The following CACNA2D3 variants were observed in gnomAD, a reference collection of about 807,000 sequenced individuals.
CACNA2D3 encodes the protein voltage-dependent calcium channel subunit alpha-2/delta-3.
In CACNA2D3, 60 loss-of-function variants were observed where a neutral mutation model predicts 160.6. That is an observed-to-expected ratio of 0.37 (90% CI 0.30 to 0.46). The LOEUF is 0.46. Ranked by LOEUF, CACNA2D3 falls within the 20% of genes least tolerant of loss-of-function variation. The pLI, the probability that CACNA2D3 is intolerant of heterozygous loss-of-function variation, is 1.00. For synonymous variants in CACNA2D3, 558 were observed against 492.9 expected, an observed-to-expected ratio of 1.13 and a Z score of -1.75; for missense variants, 1,205 against 1,365.0, an observed-to-expected ratio of 0.88 and a Z score of 1.85.
intron 3 of CACNA2D3, among the ~76,000 whole-genome samples, chr3:54,354,407 A>G (rs1000352350): frequency 6.6e-6 from 1 of 152,200 alleles, no homozygotes; most frequent in Non-Finnish European, 1.5e-5. Flanking sequence ...CTTATAAAGT[A>G]TGAAGGATTT....
chr3:54,673,272 G>T (rs1335927805), intron 11 of CACNA2D3, among the ~76,000 whole-genome samples: 1 of 152,130 alleles, frequency 6.6e-6, no homozygotes, highest in East Asian at 1.9e-4. Context: ...GTTTGGGGTG[G>T]GTGTAGAAAA....
chr3:54,770,077 C>T (rs567971246), intron 13 of CACNA2D3, among the ~76,000 whole-genome samples: 43 of 152,250 alleles, frequency 2.8e-4, no homozygotes, highest in Admixed American at 1.2e-3. Flanking sequence ...CCATTTGCCC[C>T]GAAAATACTT....
chr3:54,237,783 T>C (rs1701910277), intron 2 of CACNA2D3, among the ~76,000 whole-genome samples: 1 of 152,230 alleles, frequency 6.6e-6, no homozygotes, highest in Non-Finnish European at 1.5e-5. Flanking sequence ...GCATTTTTCA[T>C]CTTTTCTCTT....
At chr3:54,763,669 GTATATATGTATATA>G (rs1702130645) in intron 12 of CACNA2D3, among the ~76,000 whole-genome samples, 1 of 128,514 alleles carries the variant, frequency 7.8e-6, no homozygotes, top group African/African-American at 2.8e-5. Context: ...GTGTGTGTGT[GTATATATGTATATA>G]TGTGTGTATA....
intron 9 of CACNA2D3, among the ~76,000 whole-genome samples, chr3:54,613,298 GT>G (rs759918174): frequency 6.4e-4 from 97 of 152,222 alleles, no homozygotes; most frequent in Non-Finnish European, 1.1e-3. Context: ...CTGTATTGGT[GT>G]GTCATAAAAG....
At chr3:54,977,613 G>A (rs397954947) in intron 29 of CACNA2D3, among the ~76,000 whole-genome samples, 1 of 152,082 alleles carries the variant, frequency 6.6e-6, no homozygotes, top group Admixed American at 6.6e-5. Flanking sequence ...GCAGCTGTGG[G>A]GATTTGAATA....
intron 27 of CACNA2D3, among the ~76,000 whole-genome samples, chr3:54,913,853 G>A (rs930102315): frequency 2.0e-5 from 3 of 152,112 alleles, no homozygotes; most frequent in Non-Finnish European, 2.9e-5. Flanking sequence ...CTGTGTCTTC[G>A]TATGTAATGT....
chr3:54,992,660 T>C (rs1702766297), intron 31 of CACNA2D3, among the ~76,000 whole-genome samples: 1 of 152,078 alleles, frequency 6.6e-6, no homozygotes, highest in Non-Finnish European at 1.5e-5. Context: ...TCTTGGATTA[T>C]CTTCTTGTCC....
intron 4 of CACNA2D3, among the ~76,000 whole-genome samples, chr3:54,468,586 C>T (rs1213584934): frequency 1.3e-5 from 2 of 152,160 alleles, no homozygotes; most frequent in Non-Finnish European, 2.9e-5. Context: ...GAACCGTTTC[C>T]CCCCTCTGGA....
chr3:54,747,684 C>G lies in CACNA2D3; in HGVS notation c.1168-4915C>G, dbSNP rs549850090. Among the ~76,000 whole-genome samples the G allele has an allele frequency of 2.6e-5, 4 of 152,258 alleles. No homozygotes were observed. In the South Asian group the frequency reaches 8.3e-4, roughly 32 times the overall value. On this transcript the variant is annotated intron_variant, in intron 11 of 37. Coordinates refer to ENST00000474759, the MANE Select transcript of CACNA2D3 (RefSeq NM_018398.3). ...GCTAGGTGACTGCATTCCATTAACA[C>G]GAGCCCCTTCAATATCCCTGGAGCT... is the stretch of plus-strand genomic sequence containing the variant.
intron 9 of CACNA2D3, among the ~76,000 whole-genome samples, chr3:54,593,420 G>A (rs1193438787): frequency 6.6e-6 from 1 of 151,876 alleles, no homozygotes; most frequent in African/African-American, 2.4e-5. Context: ...GAGGGGAGGG[G>A]AGGAGAGACG....
intron 4 of CACNA2D3, among the ~76,000 whole-genome samples, chr3:54,457,387 T>C (rs1301310552): frequency 6.6e-6 from 1 of 152,098 alleles, no homozygotes; most frequent in African/African-American, 2.4e-5. Flanking sequence ...TTGTTACTGA[T>C]TTCTAGTTTT....
At chr3:54,360,829 C>T (rs540861207) in intron 3 of CACNA2D3, among the ~76,000 whole-genome samples, 2 of 152,122 alleles carry the variant, frequency 1.3e-5, no homozygotes, top group Non-Finnish European at 2.9e-5. Context: ...CCATCACTCC[C>T]AGAAGACAGA....
intron 10 of CACNA2D3, among the ~76,000 whole-genome samples, chr3:54,630,033 T>G (rs1327930889): frequency 6.6e-6 from 1 of 152,136 alleles, no homozygotes; most frequent in Non-Finnish European, 1.5e-5. Flanking sequence ...TATTGAGAAT[T>G]TTAAGGTAAT....
chr3:54,380,177 A>C (rs1699076766), intron 3 of CACNA2D3, among the ~76,000 whole-genome samples: 1 of 152,224 alleles, frequency 6.6e-6, no homozygotes, highest in African/African-American at 2.4e-5. Context: ...AGTACGGGAA[A>C]CAAATCAATC....
In CACNA2D3 at chr3:54,485,853, C is replaced by T. The variant is rs114397817; in HGVS notation, c.382-17639C>T. On this transcript the variant is annotated intron_variant, in intron 4 of 37. Coordinates refer to ENST00000474759, the MANE Select transcript of CACNA2D3 (RefSeq NM_018398.3). ...TTCTGGGATTATAGGTCTGAGTGCC[C>T]GGCCAATATGCAGCTTTTAAAGTCT... 2.5e-3 allele frequency among the ~76,000 whole-genome samples: 382 copies of T among 152,218 alleles called. 3 individuals carry two copies. The highest frequency in any genetic ancestry group is 8.7e-3 in the African/African-American group (363 of 41,552).
chr3:54,550,878 T>C (rs1702145234), intron 5 of CACNA2D3, among the ~76,000 whole-genome samples: 1 of 152,270 alleles, frequency 6.6e-6, no homozygotes, highest in East Asian at 1.9e-4. Context: ...GACCAACACG[T>C]GTTTGCAAGC....
chr3:54,290,219 A>C (rs1359678865), intron 2 of CACNA2D3, among the ~76,000 whole-genome samples: 1 of 152,318 alleles, frequency 6.6e-6, no homozygotes, highest in African/African-American at 2.4e-5. Context: ...CAAGAAAAAA[A>C]CAAACAGCCC....
chr3:54,719,478 ATAACT>A (rs910995970), intron 11 of CACNA2D3, among the ~76,000 whole-genome samples: 2 of 152,000 alleles, frequency 1.3e-5, no homozygotes, highest in African/African-American at 4.8e-5. Context: ...AAATGATAAA[ATAACT>A]TTACATTCGT....
Sources: gnomAD v4.1 joint callset for allele counts (sites outside exome capture counted in the v4.1 genomes callset) on GRCh38, gnomAD v4.1.1 for gene constraint, MANE v1.5 for transcripts, NCBI Gene and HGNC (gene_info 2026-07-23, HGNC 2026-07-21) for gene names.